PDIA5: variants seen among roughly 807,000 people sequenced by gnomAD.
The protein encoded by PDIA5 is protein disulfide-isomerase A5.
Under a neutral mutation model 77.6 loss-of-function variants are expected in PDIA5, and 58 were observed. The observed-to-expected ratio is 0.75, with a 90% CI of 0.61 to 0.93. PDIA5 has a LOEUF of 0.93. PDIA5 is among the 40% of genes least tolerant of loss of function. The pLI is 0.00. For synonymous variants in PDIA5, 250 were observed against 252.1 expected (o/e 0.99, Z 0.08); for missense variants, 630 against 647.7 (o/e 0.97, Z 0.30).
chr3:123,150,117 T>C, intron 13 of PDIA5, 117 bp from the exon 14 acceptor site: 1 of 715,176 alleles, frequency 1.4e-6, no homozygotes, highest in Non-Finnish European at 2.4e-6. Context: ...TTAGAAGGAT[T>C]GTAGTGGTTT....
At chr3:123,134,556 C>T (rs1432280515) in intron 11 of PDIA5, among the ~76,000 whole-genome samples, 2 of 152,154 alleles carry the variant, frequency 1.3e-5, no homozygotes, top group South Asian at 4.1e-4. Context: ...TGCTCCTTTA[C>T]CCTCTTCCCA....
intron 14 of PDIA5, among the ~76,000 whole-genome samples, chr3:123,152,353 ACT>A (rs1343180937): frequency 1.3e-5 from 2 of 152,058 alleles, no homozygotes; most frequent in African/African-American, 4.8e-5. Context: ...TCACTGAGTG[ACT>A]CAACCTCTGG....
chr3:123,111,504 G>A lies in PDIA5; in HGVS notation c.541+500G>A, dbSNP rs755082402. Among the ~76,000 whole-genome samples the A allele has an allele frequency of 5.6e-4, 86 of 152,230 alleles. 1 individual carries two copies. Among genetic ancestry groups the A allele is most frequent in the Non-Finnish European group, 1.1e-3 (72 of 68,044 alleles). On this transcript the variant is annotated intron_variant, in intron 7 of 16. Transcript: ENST00000316218. ...AGGAGCAGAGAGAAACTGGTTCCAG[G>A]ATTTGGGCTCAGTCCCTGTATGAGG...
At chr3:123,159,632 G>T (rs536604892) in intron 15 of PDIA5, among the ~76,000 whole-genome samples, 2 of 151,976 alleles carry the variant, frequency 1.3e-5, no homozygotes, top group Non-Finnish European at 1.5e-5. Flanking sequence ...TATTTTTTTT[G>T]TTGTTGTTAA....
chr3:123,126,465 A>G (rs1470814969), intron 10 of PDIA5, among the ~76,000 whole-genome samples: 1 of 152,202 alleles, frequency 6.6e-6, no homozygotes, highest in Non-Finnish European at 1.5e-5. Flanking sequence ...GAGATACTCA[A>G]CTAAGATAGG....
intron 1 of PDIA5, among the ~76,000 whole-genome samples, chr3:123,074,214 A>C (rs886123536): frequency 1.3e-5 from 2 of 152,216 alleles, no homozygotes; most frequent in African/African-American, 4.8e-5. Flanking sequence ...ATGCTAAGGC[A>C]TTGGGGATAA....
In PDIA5 at chr3:123,151,437, C is replaced by G. The variant is rs548239813; in HGVS notation, c.1273+1073C>G. 1.2e-4 allele frequency among the ~76,000 whole-genome samples: 18 copies of G among 152,366 alleles called. No individual in the cohort carries two copies. The South Asian group carries it at 3.3e-3, about 28-fold the overall frequency. ...CCCCTCCCGCAGCCTGGATGGCTCT[C>G]TCTATGTCACAGGCACAGTCCAGAG... On this transcript the variant is annotated intron_variant, in intron 14 of 16. Transcript: ENST00000316218.
At chr3:123,108,723 T>C (rs1017936264) in intron 6 of PDIA5, among the ~76,000 whole-genome samples, 1 of 151,492 alleles carries the variant, frequency 6.6e-6, no homozygotes, top group African/African-American at 2.4e-5. Flanking sequence ...CCGTCTCTAC[T>C]AAAGATAAAA....
chr3:123,096,703 AG>A (rs1934451439), intron 3 of PDIA5, among the ~76,000 whole-genome samples: 2 of 152,018 alleles, frequency 1.3e-5, no homozygotes, highest in South Asian at 4.2e-4. Context: ...ACTTCTGTCT[AG>A]GGTTTTGTCA....
At chr3:123,114,382 G>T (rs1285671182) in intron 7 of PDIA5, among the ~76,000 whole-genome samples, 2 of 152,116 alleles carry the variant, frequency 1.3e-5, no homozygotes, top group Non-Finnish European at 2.9e-5. Context: ...CCAAATCCTG[G>T]CATTGGACTA....
At chr3:123,075,881 A>G (rs1191766128) in intron 1 of PDIA5, among the ~76,000 whole-genome samples, 1 of 152,186 alleles carries the variant, frequency 6.6e-6, no homozygotes, top group Non-Finnish European at 1.5e-5. Context: ...TTAATCTTAT[A>G]TGGCTGGTGG....
intron 1 of PDIA5, among the ~76,000 whole-genome samples, chr3:123,087,362 C>A (rs771371374): frequency 5.4e-5 from 8 of 148,684 alleles, no homozygotes; most frequent in Non-Finnish European, 1.2e-4. Flanking sequence ...TTTTCTTTTT[C>A]TTTTTCTGGA....
chr3:123,080,159 G>T (rs547355542), intron 1 of PDIA5, among the ~76,000 whole-genome samples: 4 of 151,706 alleles, frequency 2.6e-5, no homozygotes, highest in African/African-American at 7.2e-5. Context: ...TGTGTGTGTG[G>T]GGGGGATTTA....
intron 1 of PDIA5, among the ~76,000 whole-genome samples, chr3:123,087,889 G>A (rs1287803863): frequency 6.6e-6 from 1 of 152,106 alleles, no homozygotes; most frequent in African/African-American, 2.4e-5. Flanking sequence ...CTGTCTTTAG[G>A]TTGTTTTTCT....
chr3:123,082,693 A>G (rs987894187), intron 1 of PDIA5, among the ~76,000 whole-genome samples: 4 of 152,052 alleles, frequency 2.6e-5, no homozygotes, highest in African/African-American at 4.8e-5. Context: ...TGTCTCGCTA[A>G]TAAAGAGAAG....
chr3:123,122,425 G>A (rs1935141447), intron 8 of PDIA5, among the ~76,000 whole-genome samples: 1 of 152,110 alleles, frequency 6.6e-6, no homozygotes, highest in South Asian at 2.1e-4. Flanking sequence ...ATTATTTGCT[G>A]CATCCTAAAA....
At position 123,146,254 on chromosome 3, in the gene PDIA5, G is replaced by A. The variant is rs141973215; in HGVS notation, c.1137G>A (p.Met379Ile). The change falls in exon 13 of 17, where the codon ATG (methionine) becomes ATA (isoleucine). Residue 379 changes from methionine (M) to isoleucine (I), a missense_variant. Transcript: ENST00000316218. ...LRTKKKFLEW[M>I]QNPEAPPPPE... The stretch of plus-strand genomic sequence containing the variant: ...CAAAGAAGAAGTTTCTCGAGTGGAT[G>A]CAAAAGTAAGTGTTACGATCTCAGT... 7 of 1,613,680 alleles carry A rather than the reference G, an allele frequency of 4.3e-6. No homozygotes were observed. The East Asian group carries it at 1.6e-4, about 36-fold the overall frequency.
Position 123,117,995 on chromosome 3 carries a change from G to A in PDIA5, c.609+1697G>A, listed in dbSNP as rs577263356. The stretch of plus-strand genomic sequence containing the variant: ...GTGTGGCCAAAGCCCCATTAAGGGA[G>A]ACCTGAGGTCCTGAAACTGCATCAT... On this transcript the variant is annotated intron_variant, in intron 8 of 16. Coordinates refer to ENST00000316218, the MANE Select transcript of PDIA5 (RefSeq NM_006810.4). Among the ~76,000 whole-genome samples the A allele has an allele frequency of 7.7e-4, 118 of 152,322 alleles. 1 individual carries two copies. The highest frequency in any genetic ancestry group is 2.4e-4 in the Non-Finnish European group (16 of 68,038).
At chr3:123,160,349 A>T (rs2107997899) in intron 15 of PDIA5, among the ~76,000 whole-genome samples, 1 of 152,320 alleles carries the variant, frequency 6.6e-6, no homozygotes, top group South Asian at 2.1e-4. Flanking sequence ...GATGAGGAAA[A>T]GCTACCCAGC....
Sources: allele counts gnomAD v4.1 joint callset (sites outside exome capture counted in the v4.1 genomes callset), GRCh38; gene constraint gnomAD v4.1.1; transcripts MANE v1.5; gene names NCBI Gene and HGNC (gene_info 2026-07-23, HGNC 2026-07-21).